Variants in GPC6 observed in about 807,000 individuals in gnomAD.
GPC6 encodes glypican 6.
Under a neutral mutation model 55.2 loss-of-function variants are expected in GPC6, and 14 were observed. That is an observed-to-expected ratio of 0.25 (90% CI 0.17 to 0.40). The LOEUF is 0.40. Ranked by LOEUF, GPC6 falls within the 10% of genes least tolerant of loss-of-function variation. GPC6 has a pLI of 1.00. For synonymous variants in GPC6, 278 were observed against 259.6 expected, an observed-to-expected ratio of 1.07 and a Z score of -0.68; for missense variants, 641 against 708.5, an observed-to-expected ratio of 0.90 and a Z score of 1.08.
intron 3 of GPC6, among the ~76,000 whole-genome samples, chr13:93,960,962 G>A (rs147067000): frequency 0.11 from 17,029 of 151,734 alleles, 1,202 homozygotes; most frequent in East Asian, 0.19. Flanking sequence ...ACAGGCACCC[G>A]CCACCACGTC....
intron 2 of GPC6, among the ~76,000 whole-genome samples, chr13:93,705,212 C>T (rs1392247292): frequency 6.6e-6 from 1 of 151,882 alleles, no homozygotes; most frequent in Non-Finnish European, 1.5e-5. Flanking sequence ...ATACATATGT[C>T]ATATACAAAT....
At chr13:93,768,311 A>T (rs1885187432) in intron 2 of GPC6, among the ~76,000 whole-genome samples, 1 of 152,186 alleles carries the variant, frequency 6.6e-6, no homozygotes, top group Non-Finnish European at 1.5e-5. Flanking sequence ...TTTTCCCTGA[A>T]AACCCTTCCT....
intron 6 of GPC6, 132 bp from the exon 7 acceptor site, chr13:94,382,282 C>A (rs966937797): frequency 2.2e-6 from 2 of 923,570 alleles, no homozygotes; most frequent in Non-Finnish European, 3.5e-6. Flanking sequence ...CAGTGTCTCT[C>A]TCTTAAAACT....
chr13:93,386,914 TC>T (rs1875428898), intron 1 of GPC6, among the ~76,000 whole-genome samples: 1 of 152,164 alleles, frequency 6.6e-6, no homozygotes, highest in African/African-American at 2.4e-5. Context: ...ACAACCTCCT[TC>T]CGTGTGTCTT....
chr13:94,262,337 T>G (rs1204679889), intron 4 of GPC6, among the ~76,000 whole-genome samples: 2 of 152,046 alleles, frequency 1.3e-5, no homozygotes, highest in Non-Finnish European at 2.9e-5. Flanking sequence ...AAGGGGAATT[T>G]TTAAAGTCTC....
At chr13:93,534,180 C>G (rs921390817) in intron 1 of GPC6, among the ~76,000 whole-genome samples, 4 of 152,152 alleles carry the variant, frequency 2.6e-5, no homozygotes, top group Admixed American at 6.6e-5. Flanking sequence ...CCATCTCTCT[C>G]TTTCTCCAAA....
chr13:93,414,638 A>G (rs1156872322), intron 1 of GPC6, among the ~76,000 whole-genome samples: 2 of 152,108 alleles, frequency 1.3e-5, no homozygotes, highest in African/African-American at 4.8e-5. Flanking sequence ...TCTGGTGGGA[A>G]TGAGTATGTG....
intron 2 of GPC6, among the ~76,000 whole-genome samples, chr13:93,789,227 T>A (rs1885912610): frequency 6.6e-6 from 1 of 152,082 alleles, no homozygotes; most frequent in African/African-American, 2.4e-5. Flanking sequence ...AGTAGCCAGT[T>A]GGCTCTAAGA....
At chr13:93,857,123 G>A (rs1888646797) in intron 3 of GPC6, among the ~76,000 whole-genome samples, 1 of 151,482 alleles carries the variant, frequency 6.6e-6, no homozygotes, top group African/African-American at 2.4e-5. Context: ...TTTCCCATTG[G>A]TCACTATTAG....
rs74776490 is a variant in GPC6 at position 93,284,341 on chromosome 13, T to C, written c.160+56725T>C. ...TACAAATAGGGTTTATTATGTCCTT[T>C]AAGTCCTTTTAGAGGCTTATGAAGA... On this transcript the variant is annotated intron_variant, in intron 1 of 8. Transcript: ENST00000377047. Among the ~76,000 whole-genome samples the C allele has an allele frequency of 4.7e-3, 719 of 152,330 alleles. 7 individuals are homozygous for C. The highest frequency in any genetic ancestry group is 0.016 in the African/African-American group (661 of 41,580).
chr13:94,240,383 A>G (rs1325516099), intron 4 of GPC6, among the ~76,000 whole-genome samples: 5 of 152,252 alleles, frequency 3.3e-5, no homozygotes, highest in African/African-American at 9.6e-5. Flanking sequence ...ATTCATAATC[A>G]GATTAATATT....
At chr13:93,906,439 A>G (rs868731896) in intron 3 of GPC6, among the ~76,000 whole-genome samples, 1 of 152,294 alleles carries the variant, frequency 6.6e-6, no homozygotes, top group Non-Finnish European at 1.5e-5. Context: ...ACAGTGTCTT[A>G]CAAAGAGTCA....
chr13:93,310,096 A>G (rs1468919802), intron 1 of GPC6, among the ~76,000 whole-genome samples: 12 of 152,166 alleles, frequency 7.9e-5, no homozygotes, highest in Non-Finnish European at 2.9e-5. Flanking sequence ...TACACATTTC[A>G]CACAGTCTCA....
intron 1 of GPC6, among the ~76,000 whole-genome samples, chr13:93,540,409 C>T (rs930275196): frequency 1.3e-5 from 2 of 151,904 alleles, no homozygotes; most frequent in Non-Finnish European, 2.9e-5. Context: ...TTCCTAGGAG[C>T]GAATTATTAA....
At position 93,507,729 on chromosome 13, in the gene GPC6, A is replaced by T. The variant is rs572761098; in HGVS notation, c.161-37534A>T. Among the ~76,000 whole-genome samples, 18 of 152,320 alleles carry T rather than the reference A, an allele frequency of 1.2e-4. No homozygotes were observed. The East Asian group carries it at 3.3e-3, about 28-fold the overall frequency. On this transcript the variant is annotated intron_variant, in intron 1 of 8. Coordinates refer to ENST00000377047, the MANE Select transcript of GPC6 (RefSeq NM_005708.5). ...AAAAAATTACTTTTCCTGTCCTGACATATAGAATGTTTTTCGAGGTAGGTG... is the reference window on the plus strand; with the variant it reads ...AAAAAATTACTTTTCCTGTCCTGACTTATAGAATGTTTTTCGAGGTAGGTG...
chr13:93,394,360 A>G (rs1204834156), intron 1 of GPC6, among the ~76,000 whole-genome samples: 1 of 152,186 alleles, frequency 6.6e-6, no homozygotes. Context: ...CACACATATT[A>G]TAGTAAGTAT....
Position 93,478,602 on chromosome 13 carries a change from C to T in GPC6, c.161-66661C>T, listed in dbSNP as rs769371085. Among the ~76,000 whole-genome samples the T allele has an allele frequency of 5.9e-5, 9 of 152,216 alleles. 1 individual carries two copies. The highest frequency in any genetic ancestry group is 2.0e-4 in the Admixed American group (3 of 15,284). ...GAGTATTTATCTGAATCTTCTGGAT[C>T]CATAGCACATGAAGGAGAATTTCAG... On this transcript the variant is annotated intron_variant, in intron 1 of 8. Transcript: ENST00000377047.
chr13:94,130,994 A>G (rs1886982724), intron 4 of GPC6, among the ~76,000 whole-genome samples: 1 of 152,158 alleles, frequency 6.6e-6, no homozygotes, highest in Non-Finnish European at 1.5e-5. Flanking sequence ...ATGGGGAATT[A>G]TATTCTGAAT....
At chr13:94,216,757 C>T (rs1017511406) in intron 4 of GPC6, among the ~76,000 whole-genome samples, 3 of 152,158 alleles carry the variant, frequency 2.0e-5, no homozygotes, top group African/African-American at 7.2e-5. Context: ...ATAAGACCAG[C>T]CTTTACTCCA....
Sources: gnomAD v4.1 joint callset for allele counts (sites outside exome capture counted in the v4.1 genomes callset) on GRCh38, gnomAD v4.1.1 for gene constraint, MANE v1.5 for transcripts, NCBI Gene and HGNC (gene_info 2026-07-23, HGNC 2026-07-21) for gene names.